Variants in ST6GALNAC3 observed in about 807,000 individuals in gnomAD.
ST6GALNAC3 encodes the protein ST6 N-acetylgalactosaminide alpha-2,6-sialyltransferase 3.
In ST6GALNAC3, 25 loss-of-function variants were observed where a neutral mutation model predicts 32.7. The observed-to-expected ratio is 0.76, with a 90% CI of 0.56 to 1.07. ST6GALNAC3 has a LOEUF of 1.07. ST6GALNAC3 is among the 50% of genes least tolerant of loss of function. The pLI, the probability that ST6GALNAC3 is intolerant of heterozygous loss-of-function variation, is 0.00. For synonymous variants in ST6GALNAC3, 129 were observed against 133.1 expected (o/e 0.97, Z 0.21); for missense variants, 355 against 382.4 (o/e 0.93, Z 0.60).
chr1:76,123,911 G>C (rs1649062164), intron 1 of ST6GALNAC3, among the ~76,000 whole-genome samples: 1 of 151,678 alleles, frequency 6.6e-6, no homozygotes, highest in South Asian at 2.1e-4. Flanking sequence ...CATGACGCCT[G>C]GCTAATTTTT....
chr1:76,113,209 C>T (rs932480733), intron 1 of ST6GALNAC3, among the ~76,000 whole-genome samples: 12 of 152,130 alleles, frequency 7.9e-5, no homozygotes, highest in Non-Finnish European at 1.5e-4. Context: ...CGTGGCGGCG[C>T]GCGCCTGCAA....
chr1:76,376,656 T>C (rs923642216), intron 2 of ST6GALNAC3, among the ~76,000 whole-genome samples: 1 of 152,240 alleles, frequency 6.6e-6, no homozygotes, highest in Non-Finnish European at 1.5e-5. Context: ...GGGCATGTTG[T>C]TGGATTGTTG....
chr1:76,246,750 A>T (rs895528110), intron 1 of ST6GALNAC3, among the ~76,000 whole-genome samples: 3 of 152,188 alleles, frequency 2.0e-5, no homozygotes, highest in Non-Finnish European at 4.4e-5. Context: ...GGGTTCGAAC[A>T]TGCTCTTTTA....
intron 1 of ST6GALNAC3, among the ~76,000 whole-genome samples, chr1:76,280,653 TG>T (rs1230013802): frequency 2.6e-5 from 4 of 152,196 alleles, no homozygotes; most frequent in Non-Finnish European, 5.9e-5. Flanking sequence ...AATGAAATAA[TG>T]GGCATAGAAT....
intron 2 of ST6GALNAC3, among the ~76,000 whole-genome samples, chr1:76,334,398 A>T (rs902137510): frequency 3.3e-5 from 5 of 152,214 alleles, no homozygotes; most frequent in Admixed American, 2.0e-4. Flanking sequence ...TAATCCAATG[A>T]CAAATAGACC....
intron 3 of ST6GALNAC3, among the ~76,000 whole-genome samples, chr1:76,623,721 TAA>T (rs1210327237): frequency 6.6e-6 from 1 of 152,000 alleles, no homozygotes; most frequent in Non-Finnish European, 1.5e-5. Context: ...ATACATCAGG[TAA>T]AGTCTTTTTG....
intron 1 of ST6GALNAC3, among the ~76,000 whole-genome samples, chr1:76,285,386 GT>G (rs930612857): frequency 1.6e-4 from 1 of 6,244 alleles, no homozygotes; most frequent in Non-Finnish European, 2.6e-4. Context: ...CGGGAGGATG[GT>G]GTGTGTGTGT....
At chr1:76,162,455 C>A (rs1651872011) in intron 1 of ST6GALNAC3, among the ~76,000 whole-genome samples, 1 of 152,156 alleles carries the variant, frequency 6.6e-6, no homozygotes, top group Admixed American at 6.5e-5. Context: ...GCACACCTGG[C>A]TGAAGTTTTG....
intron 3 of ST6GALNAC3, among the ~76,000 whole-genome samples, chr1:76,615,454 T>C (rs1474496395): frequency 6.6e-6 from 1 of 152,168 alleles, no homozygotes; most frequent in Non-Finnish European, 1.5e-5. Flanking sequence ...GTTCAGCTCT[T>C]ACTTTCAGTC....
intron 2 of ST6GALNAC3, among the ~76,000 whole-genome samples, chr1:76,356,010 A>G (rs940609143): frequency 2.0e-5 from 3 of 152,174 alleles, no homozygotes; most frequent in African/African-American, 7.2e-5. Flanking sequence ...ATAGGCAATA[A>G]TAATTATAGT....
chr1:76,096,622 T>C (rs1647136357), intron 1 of ST6GALNAC3, among the ~76,000 whole-genome samples: 1 of 151,340 alleles, frequency 6.6e-6, no homozygotes, highest in Non-Finnish European at 1.5e-5. Context: ...AAATTAATAA[T>C]GAAGGAAAGT....
chr1:76,484,092 G>A (rs2101666093), intron 3 of ST6GALNAC3, among the ~76,000 whole-genome samples: 1 of 152,170 alleles, frequency 6.6e-6, no homozygotes, highest in Admixed American at 6.5e-5. Context: ...TGTCTGTTTT[G>A]GTACCAGTAC....
chr1:76,250,395 A>G (rs1657541773), intron 1 of ST6GALNAC3, among the ~76,000 whole-genome samples: 1 of 152,190 alleles, frequency 6.6e-6, no homozygotes, highest in Non-Finnish European at 1.5e-5. Flanking sequence ...CTTTAATTGG[A>G]CATTCCTCAC....
At chr1:76,232,843 G>A (rs186514423) in intron 1 of ST6GALNAC3, among the ~76,000 whole-genome samples, 1 of 152,332 alleles carries the variant, frequency 6.6e-6, no homozygotes, top group African/African-American at 2.4e-5. Context: ...GAGATAGACC[G>A]AGATGGAGAT....
At chr1:76,363,428 C>G (rs1452347689) in intron 2 of ST6GALNAC3, among the ~76,000 whole-genome samples, 1 of 152,210 alleles carries the variant, frequency 6.6e-6, no homozygotes, top group African/African-American at 2.4e-5. Context: ...TTGTTCACAT[C>G]ACTATCAGCA....
chr1:76,342,651 G>A (rs12120710), intron 2 of ST6GALNAC3, among the ~76,000 whole-genome samples: 2 of 151,472 alleles, frequency 1.3e-5, no homozygotes, highest in African/African-American at 4.8e-5. Context: ...CCATTCTGTA[G>A]GTTGCCTGTT....
chr1:76,135,279 T>A (rs1339177998), intron 1 of ST6GALNAC3, among the ~76,000 whole-genome samples: 1 of 152,256 alleles, frequency 6.6e-6, no homozygotes, highest in Non-Finnish European at 1.5e-5. Flanking sequence ...TTTGTTTGCT[T>A]TATTGCACAA....
intron 3 of ST6GALNAC3, among the ~76,000 whole-genome samples, chr1:76,446,866 AC>A (rs1657011682): frequency 6.6e-6 from 1 of 151,966 alleles, no homozygotes. Flanking sequence ...AGTCCATTAA[AC>A]CCTTTTTCCT....
chr1:76,625,065 G>A (rs1043844467), intron 3 of ST6GALNAC3, among the ~76,000 whole-genome samples: 3 of 151,972 alleles, frequency 2.0e-5, no homozygotes, highest in African/African-American at 7.2e-5. Context: ...GGCTAAATAA[G>A]TGGCCAAAGC....
Sources: allele counts gnomAD v4.1 joint callset (sites outside exome capture counted in the v4.1 genomes callset), GRCh38; gene constraint gnomAD v4.1.1; transcripts MANE v1.5; gene names NCBI Gene and HGNC (gene_info 2026-07-23, HGNC 2026-07-21).